PCDH15: variants seen among roughly 807,000 people sequenced by gnomAD.
PCDH15 encodes protocadherin related 15.
Under a neutral mutation model 178.5 loss-of-function variants are expected in PCDH15, and 129 were observed. The ratio of observed to expected loss-of-function variants is 0.72; its 90% CI spans 0.63 to 0.84. The LOEUF (loss-of-function observed/expected upper bound fraction) is 0.84. Ranked by LOEUF, PCDH15 falls within the 40% of genes least tolerant of loss-of-function variation. PCDH15 has a pLI of 0.00. For missense variants in PCDH15, 2,230 were observed against 2,099.9 expected (o/e 1.06, Z -1.21); for synonymous variants, 800 against 732.0 (o/e 1.09, Z -1.50).
At chr10:53,935,542 T>C (rs566728844) in intron 25 of PCDH15, among the ~76,000 whole-genome samples, 19 of 152,298 alleles carry the variant, frequency 1.2e-4, no homozygotes, top group African/African-American at 3.8e-4. Context: ...AGACAGCCTG[T>C]TTTAGTAAAA....
intron 25 of PCDH15, among the ~76,000 whole-genome samples, chr10:53,916,389 T>C (rs752714676): frequency 4.6e-5 from 7 of 152,088 alleles, no homozygotes; most frequent in Non-Finnish European, 1.0e-4. Flanking sequence ...TATCTGCAAA[T>C]TGTAATCACC....
Position 55,121,358 on chromosome 10 carries a change from TGG to T in PCDH15, c.-80+45216_-80+45217del, listed in dbSNP as rs35173407. ...TTGTTTGGTTTCACAGGCTCAGAGCTGGGGGGGGGCAATTTGCCTTAGGATGA... is the reference window on the plus strand; with the variant it reads ...TTGTTTGGTTTCACAGGCTCAGAGCTGGGGGGGCAATTTGCCTTAGGATGA... On this transcript the variant is annotated intron_variant, in intron 2 of 5. Transcript: ENST00000458638. Among the ~76,000 whole-genome samples the T allele has an allele frequency of 2.1e-3, 312 of 149,124 alleles. 1 individual carries two copies. Among genetic ancestry groups the T allele is most frequent in the African/African-American group, 7.5e-3 (306 of 41,032 alleles).
chr10:55,285,315 A>T (rs892982190), intron 1 of PCDH15, among the ~76,000 whole-genome samples: 4 of 151,182 alleles, frequency 2.6e-5, no homozygotes, highest in African/African-American at 9.7e-5. Context: ...AACATTATGA[A>T]CCACACATAA....
chr10:55,322,803 A>T (rs1451226400), upstream of PCDH15, among the ~76,000 whole-genome samples: 3 of 129,952 alleles, frequency 2.3e-5, no homozygotes, highest in African/African-American at 8.9e-5. Flanking sequence ...GAAAAAAAAA[A>T]TGGGGGGGGA....
chr10:55,449,541 G>T (rs7922022), intron 2 of PCDH15, among the ~76,000 whole-genome samples: 53,183 of 151,726 alleles, frequency 0.35, 10,200 homozygotes, highest in African/African-American at 0.51. Flanking sequence ...AAAATAACAG[G>T]TGAATACAAT....
chr10:54,626,518 G>A (rs938648051), intron 2 of PCDH15, among the ~76,000 whole-genome samples: 9 of 152,194 alleles, frequency 5.9e-5, no homozygotes, highest in Non-Finnish European at 1.0e-4. Flanking sequence ...TGCAGGCCCT[G>A]AGCCTTGGCA....
chr10:55,349,206 G>A (rs1348534798), intron 2 of PCDH15, among the ~76,000 whole-genome samples: 1 of 152,098 alleles, frequency 6.6e-6, no homozygotes, highest in Non-Finnish European at 1.5e-5. Context: ...TGTTATTTCT[G>A]TTGAGGTGTG....
At position 54,855,992 on chromosome 10, in the gene PCDH15, CTGTT is replaced by C. The variant is rs1489057872; in HGVS notation, c.-29+41454_-29+41457del. On this transcript the variant is annotated intron_variant, in intron 3 of 5. Transcript: ENST00000458638. ...GGGTGTTTTTTCATAGGCAAATAAA[CTGTT>C]TGAGGAATAGAAACAGTATCAATTG... Among the ~76,000 whole-genome samples the C allele has an allele frequency of 2.6e-5, 4 of 152,274 alleles. No individual in the cohort carries two copies. In the South Asian group the frequency reaches 6.2e-4, roughly 24 times the overall value.
chr10:54,829,006 T>TA (rs1202635318), intron 3 of PCDH15, among the ~76,000 whole-genome samples: 2 of 151,938 alleles, frequency 1.3e-5, no homozygotes, highest in Non-Finnish European at 2.9e-5. Context: ...CATAGCATAT[T>TA]AAAAAACTGC....
At chr10:55,001,287 T>C (rs1281050283) in intron 2 of PCDH15, among the ~76,000 whole-genome samples, 1 of 152,106 alleles carries the variant, frequency 6.6e-6, no homozygotes, top group African/African-American at 2.4e-5. Flanking sequence ...GCCTTATTCT[T>C]CCCGGATGCG....
At chr10:54,529,373 T>A (rs7914409) in intron 2 of PCDH15, among the ~76,000 whole-genome samples, 2,709 of 152,194 alleles carry the variant, frequency 0.018, 82 homozygotes, top group African/African-American at 0.061. Flanking sequence ...TCCTCGCTGA[T>A]CTCCCAGAAG....
In PCDH15 at chr10:54,132,935, C is replaced by A; in HGVS notation, c.1857G>T (p.Leu619=). The change falls in exon 15 of 38, where the codon CTG becomes CTT. Residue 619 remains leucine (L), a synonymous_variant. Transcript: ENST00000644397. The part of the protein sequence containing the change: ...NNQSPPRFPQ[L]MYSLEISEAM... ...CTTCACTAATTTCAAGGCTATACAT[C>A]AGCTGTGGGAAGCGAGGAGGGCTTT... 1.2e-6 allele frequency: 2 copies of A among 1,614,052 alleles called. No individual in the cohort carries two copies. The highest frequency in any genetic ancestry group is 1.7e-6 in the Non-Finnish European group (2 of 1,180,002).
At chr10:54,637,007 T>G (rs534891297) in intron 2 of PCDH15, among the ~76,000 whole-genome samples, 47 of 151,960 alleles carry the variant, frequency 3.1e-4, no homozygotes, top group Non-Finnish European at 6.0e-4. Context: ...CCTTTCAAAC[T>G]TTTATGGCAT....
chr10:54,543,472 TCCA>T (rs1375744263), intron 2 of PCDH15, among the ~76,000 whole-genome samples: 1 of 152,178 alleles, frequency 6.6e-6, no homozygotes, highest in African/African-American at 2.4e-5. Context: ...GAAGAAGCGA[TCCA>T]CACCCCCAAC....
chr10:54,399,047 A>G (rs1464722174), intron 3 of PCDH15, among the ~76,000 whole-genome samples: 1 of 152,128 alleles, frequency 6.6e-6, no homozygotes, highest in African/African-American at 2.4e-5. Context: ...TGTCATGTCC[A>G]CTTGGCATAT....
chr10:54,796,282 G>GTATCTATGTATC (rs752443728), intron 1 of PCDH15, among the ~76,000 whole-genome samples: 81 of 126,422 alleles, frequency 6.4e-4, no homozygotes, highest in Admixed American at 2.4e-3. Flanking sequence ...ATGTATCTAT[G>GTATCTATGTATC]TATCTATCTA....
At position 53,864,116 on chromosome 10, in the gene PCDH15, T is replaced by G. The variant is rs564999526; in HGVS notation, c.3717+2526A>C. Among the ~76,000 whole-genome samples, 7 of 152,294 alleles carry G rather than the reference T, an allele frequency of 4.6e-5. No individual in the cohort carries two copies. The East Asian group carries it at 1.2e-3, about 25-fold the overall frequency. The stretch of plus-strand genomic sequence containing the variant: ...GGAGGGTTTGTTTTAGTCATTAATT[T>G]AAATTGATACTGATGCAGGAGAACA... On this transcript the variant is annotated intron_variant, in intron 27 of 37. Transcript: ENST00000644397.
intron 3 of PCDH15, among the ~76,000 whole-genome samples, chr10:54,834,407 G>C (rs2133754515): frequency 6.6e-6 from 1 of 152,050 alleles, no homozygotes; most frequent in Non-Finnish European, 1.5e-5. Context: ...TCGAACTCCT[G>C]ACCTCAGGTG....
chr10:53,953,785 T>C (rs2134209100), intron 23 of PCDH15, among the ~76,000 whole-genome samples: 1 of 152,074 alleles, frequency 6.6e-6, no homozygotes, highest in African/African-American at 2.4e-5. Context: ...TTTGTTCTGT[T>C]TTGTTTTGTT....
Sources: allele counts gnomAD v4.1 joint callset (sites outside exome capture counted in the v4.1 genomes callset), GRCh38; gene constraint gnomAD v4.1.1; transcripts MANE v1.5; gene names NCBI Gene and HGNC (gene_info 2026-07-23, HGNC 2026-07-21).